The following FTO variants were observed in gnomAD, a reference collection of about 807,000 sequenced individuals.
FTO encodes the protein FTO alpha-ketoglutarate dependent dioxygenase, also known as alpha-ketoglutarate-dependent dioxygenase FTO.
A neutral mutation model predicts 63.9 loss-of-function variants in FTO; 47 were observed. That is an observed-to-expected ratio of 0.74 (90% CI 0.58 to 0.94). The LOEUF is 0.94. Among genes scored for constraint, FTO ranks in the 40% least tolerant of loss-of-function variants. The probability of loss-of-function intolerance (pLI) is 0.00; values close to 1 mark genes in which losing one functional copy is unlikely to be tolerated. For synonymous variants in FTO, 207 were observed against 224.4 expected, an observed-to-expected ratio of 0.92 and a Z score of 0.69; for missense variants, 562 against 618.1, an observed-to-expected ratio of 0.91 and a Z score of 0.96.
intron 8 of FTO, among the ~76,000 whole-genome samples, chr16:53,989,089 CAT>C (rs2083740007): frequency 6.6e-6 from 1 of 152,086 alleles, no homozygotes; most frequent in African/African-American, 2.4e-5. Flanking sequence ...AGGAGGATGA[CAT>C]GTGCACTAAG....
intron 8 of FTO, among the ~76,000 whole-genome samples, chr16:54,005,785 G>T (rs936161276): frequency 3.9e-5 from 6 of 152,132 alleles, no homozygotes; most frequent in African/African-American, 1.4e-4. Context: ...AGCGGAATTT[G>T]GTTTTATCAT....
At chr16:53,807,977 G>GGT (rs2078415696) in intron 1 of FTO, among the ~76,000 whole-genome samples, 1 of 152,186 alleles carries the variant, frequency 6.6e-6, no homozygotes, top group African/African-American at 2.4e-5. Flanking sequence ...TATCTGTAAT[G>GGT]GTGTGTGTTA....
At chr16:54,102,906 C>G (rs1405787349) in intron 8 of FTO, among the ~76,000 whole-genome samples, 1 of 151,678 alleles carries the variant, frequency 6.6e-6, no homozygotes, top group African/African-American at 2.4e-5. Context: ...TAATCTTGAC[C>G]CTTTGAGAGG....
intron 8 of FTO, among the ~76,000 whole-genome samples, chr16:54,013,183 C>A (rs148234876): frequency 5.6e-4 from 85 of 152,250 alleles, no homozygotes; most frequent in Non-Finnish European, 9.3e-4. Context: ...GATTCCAACC[C>A]TCACGGATGA....
chr16:54,104,223 A>T (rs1160928374), intron 8 of FTO, among the ~76,000 whole-genome samples: 5 of 151,846 alleles, frequency 3.3e-5, no homozygotes, highest in Non-Finnish European at 5.9e-5. Flanking sequence ...TTGTTGCCCT[A>T]TGACATCATT....
At chr16:53,739,622 A>C (rs773510947) in intron 1 of FTO, among the ~76,000 whole-genome samples, 2 of 152,188 alleles carry the variant, frequency 1.3e-5, no homozygotes, top group Non-Finnish European at 2.9e-5. Context: ...TCAAAACCAC[A>C]GATTATCCAA....
intron 1 of FTO, among the ~76,000 whole-genome samples, chr16:53,765,765 A>G (rs918925496): frequency 6.6e-6 from 1 of 152,086 alleles, no homozygotes; most frequent in Middle Eastern, 3.2e-3. Flanking sequence ...TAAAGAGCTT[A>G]GCATGTAGAA....
chr16:53,931,871 AACACACACACAC>A (rs35135177), intron 7 of FTO, among the ~76,000 whole-genome samples: 44 of 145,688 alleles, frequency 3.0e-4, no homozygotes, highest in African/African-American at 1.0e-3. Context: ...TTTTACATTA[AACACACACACAC>A]ACACACACAC....
At chr16:53,969,573 C>G (rs532556622) in intron 8 of FTO, among the ~76,000 whole-genome samples, 94 of 152,232 alleles carry the variant, frequency 6.2e-4, no homozygotes, top group African/African-American at 2.1e-3. Context: ...TGTGGCGACT[C>G]ACAAACAGCG....
intron 1 of FTO, among the ~76,000 whole-genome samples, chr16:53,762,927 A>AT (rs1476582953): frequency 3.9e-5 from 6 of 152,270 alleles, no homozygotes; most frequent in Non-Finnish European, 7.4e-5. Context: ...AAAAGCTGTC[A>AT]TTTTATTATC....
intron 1 of FTO, among the ~76,000 whole-genome samples, chr16:53,727,205 A>G (rs545118804): frequency 5.3e-5 from 8 of 152,206 alleles, no homozygotes; most frequent in Non-Finnish European, 1.0e-4. Flanking sequence ...AAATAGCACA[A>G]TTTAAATCTG....
intron 4 of FTO, among the ~76,000 whole-genome samples, chr16:53,846,177 G>A (rs1248870318): frequency 6.6e-6 from 1 of 152,032 alleles, no homozygotes; most frequent in Non-Finnish European, 1.5e-5. Context: ...ATTTCAACCT[G>A]ATCCCAATAT....
At chr16:54,099,164 T>G (rs1378540507) in intron 8 of FTO, among the ~76,000 whole-genome samples, 2 of 152,188 alleles carry the variant, frequency 1.3e-5, no homozygotes, top group African/African-American at 4.8e-5. Context: ...TTTGTTCCAG[T>G]AATTGCATCA....
At chr16:53,812,547 G>T (rs1238994326) in intron 2 of FTO, among the ~76,000 whole-genome samples, 2 of 152,156 alleles carry the variant, frequency 1.3e-5, no homozygotes, top group African/African-American at 4.8e-5. Context: ...ATTTTTGTGT[G>T]TGCTGGCTTC....
chr16:54,089,641 A>G (rs559959068), intron 8 of FTO, among the ~76,000 whole-genome samples: 1 of 152,352 alleles, frequency 6.6e-6, no homozygotes, highest in South Asian at 2.1e-4. Context: ...ATAATCTGAT[A>G]AAAGTTTAAT....
intron 7 of FTO, among the ~76,000 whole-genome samples, chr16:53,898,190 G>A (rs1018104908): frequency 6.6e-6 from 1 of 151,976 alleles, no homozygotes; most frequent in Non-Finnish European, 1.5e-5. Context: ...TCCATTCCTC[G>A]ACCTCCATCA....
chr16:53,962,067 A>G (rs1381392325), intron 8 of FTO, among the ~76,000 whole-genome samples: 1 of 152,262 alleles, frequency 6.6e-6, no homozygotes, highest in Non-Finnish European at 1.5e-5. Flanking sequence ...TCCTTTTACC[A>G]GATCTCTTTC....
intron 8 of FTO, among the ~76,000 whole-genome samples, chr16:54,049,710 C>CAAA (rs2085269638): frequency 6.6e-6 from 1 of 152,188 alleles, no homozygotes; most frequent in Non-Finnish European, 1.5e-5. Flanking sequence ...AGCTGCCCCT[C>CAAA]CTTCCCTTCA....
intron 1 of FTO, among the ~76,000 whole-genome samples, chr16:53,710,818 T>C (rs2075753061): frequency 6.6e-6 from 1 of 152,212 alleles, no homozygotes; most frequent in Non-Finnish European, 1.5e-5. Flanking sequence ...AATTGAATAG[T>C]GGCTTCCCTT....
Sources: allele counts gnomAD v4.1 joint callset (sites outside exome capture counted in the v4.1 genomes callset), GRCh38; gene constraint gnomAD v4.1.1; transcripts MANE v1.5; gene names NCBI Gene and HGNC (gene_info 2026-07-23, HGNC 2026-07-21).